The following GRIN3A variants were observed in gnomAD, a reference collection of about 807,000 sequenced individuals.
The protein encoded by GRIN3A is glutamate receptor ionotropic, NMDA 3A.
Under a neutral mutation model 92.4 loss-of-function variants are expected in GRIN3A, and 47 were observed. The ratio of observed to expected loss-of-function variants is 0.51; its 90% CI spans 0.40 to 0.65. The LOEUF (loss-of-function observed/expected upper bound fraction) is 0.65. Ranked by LOEUF, GRIN3A falls within the 30% of genes least tolerant of loss-of-function variation. The pLI is 0.00. For synonymous variants in GRIN3A, 527 were observed against 540.6 expected (o/e 0.97, Z 0.35); for missense variants, 1,324 against 1,393.1 (o/e 0.95, Z 0.79).
At position 101,622,488 on chromosome 9, in the gene GRIN3A, C is replaced by T. The variant is rs56775241; in HGVS notation, c.2614+830G>A. On this transcript the variant is annotated intron_variant, in intron 5 of 8. Coordinates refer to ENST00000361820, the MANE Select transcript of GRIN3A (RefSeq NM_133445.3). ...CGTCATTCAGAATGAAAGGAGCTAC[C>T]GACAAAGCAATCTTTCTTTGGTTCT... is the stretch of plus-strand genomic sequence containing the variant. Among the ~76,000 whole-genome samples, 1,408 of 152,206 alleles carry T rather than the reference C, an allele frequency of 9.3e-3. 27 individuals are homozygous for T. Among genetic ancestry groups the T allele is most frequent in the African/African-American group, 0.032 (1,345 of 41,510 alleles).
chr9:101,595,463 G>T (rs1434195073), intron 6 of GRIN3A, among the ~76,000 whole-genome samples: 1 of 152,028 alleles, frequency 6.6e-6, no homozygotes, highest in African/African-American at 2.4e-5. Context: ...TGCAACCAAG[G>T]ACACTGTATA....
intron 5 of GRIN3A, among the ~76,000 whole-genome samples, chr9:101,615,323 A>C (rs1404538887): frequency 6.6e-6 from 1 of 151,464 alleles, no homozygotes; most frequent in African/African-American, 2.4e-5. Context: ...ACTTAATGGA[A>C]ACAAATACCT....
chr9:101,733,709 A>G (rs957765831), intron 1 of GRIN3A, among the ~76,000 whole-genome samples: 1 of 152,220 alleles, frequency 6.6e-6, no homozygotes, highest in East Asian at 1.9e-4. Context: ...TTAGTCCTGT[A>G]CTGTCAGAGA....
At chr9:101,651,668 G>GTGTGT in intron 3 of GRIN3A, among the ~76,000 whole-genome samples, 1 of 150,340 alleles carries the variant, frequency 6.7e-6, no homozygotes, top group Non-Finnish European at 1.5e-5. Flanking sequence ...GTGTGTGTGT[G>GTGTGT]GTCATTCTTT....
At chr9:101,583,367 A>C (rs1356385793) in intron 6 of GRIN3A, among the ~76,000 whole-genome samples, 1 of 152,336 alleles carries the variant, frequency 6.6e-6, no homozygotes, top group East Asian at 1.9e-4. Context: ...AAATGTTTCA[A>C]TTGTGTCTGA....
chr9:101,667,508 G>A (rs1453744137), intron 3 of GRIN3A, among the ~76,000 whole-genome samples: 1 of 151,954 alleles, frequency 6.6e-6, no homozygotes, highest in Admixed American at 6.6e-5. Flanking sequence ...CTTCTAAGTT[G>A]CTTCTCCTTT....
intron 6 of GRIN3A, among the ~76,000 whole-genome samples, chr9:101,603,637 G>A (rs375447869): frequency 2.2e-4 from 33 of 152,148 alleles, no homozygotes; most frequent in African/African-American, 7.5e-4. Context: ...CCGAGCACAG[G>A]AAAAGTAAAG....
chr9:101,600,403 CCCTGTTCT>C (rs1828196297), intron 6 of GRIN3A, among the ~76,000 whole-genome samples: 1 of 152,098 alleles, frequency 6.6e-6, no homozygotes, highest in African/African-American at 2.4e-5. Flanking sequence ...TTCTTGTTGT[CCCTGTTCT>C]CCTGGAGCTT....
At chr9:101,685,079 G>A (rs1333499310) in intron 2 of GRIN3A, among the ~76,000 whole-genome samples, 1 of 152,048 alleles carries the variant, frequency 6.6e-6, no homozygotes, top group Non-Finnish European at 1.5e-5. Flanking sequence ...TTCAGATGAT[G>A]ATAGAACATC....
At chr9:101,574,533 C>G (rs1468165964) in intron 8 of GRIN3A, among the ~76,000 whole-genome samples, 4 of 152,140 alleles carry the variant, frequency 2.6e-5, no homozygotes, top group African/African-American at 9.7e-5. Context: ...TTCCTGGACT[C>G]TTACTTGCCA....
At chr9:101,661,265 G>C (rs1344965816) in intron 3 of GRIN3A, among the ~76,000 whole-genome samples, 1 of 151,736 alleles carries the variant, frequency 6.6e-6, no homozygotes, top group East Asian at 1.9e-4. Context: ...TCTTACTTGG[G>C]TTATTAAGTA....
At chr9:101,669,019 G>A (rs1829278641) in intron 3 of GRIN3A, among the ~76,000 whole-genome samples, 1 of 152,158 alleles carries the variant, frequency 6.6e-6, no homozygotes, top group Non-Finnish European at 1.5e-5. Flanking sequence ...TAATATGAAA[G>A]GCTCAGCTTA....
intron 6 of GRIN3A, among the ~76,000 whole-genome samples, chr9:101,604,334 G>A (rs989734241): frequency 2.0e-5 from 3 of 152,078 alleles, no homozygotes; most frequent in Non-Finnish European, 4.4e-5. Context: ...TGAAGATGAG[G>A]TCTTTCTCAG....
intron 3 of GRIN3A, among the ~76,000 whole-genome samples, chr9:101,650,361 A>G (rs947320583): frequency 1.3e-5 from 2 of 151,996 alleles, no homozygotes; most frequent in Non-Finnish European, 2.9e-5. Flanking sequence ...GAGTGTTAGC[A>G]AACATGTTCT....
At chr9:101,660,809 A>G (rs1235853635) in intron 3 of GRIN3A, among the ~76,000 whole-genome samples, 3 of 151,712 alleles carry the variant, frequency 2.0e-5, no homozygotes, top group African/African-American at 7.3e-5. Flanking sequence ...TAGTATAAGA[A>G]TGATTTTGAA....
chr9:101,624,752 G>A (rs1367618948), intron 4 of GRIN3A, among the ~76,000 whole-genome samples: 2 of 152,138 alleles, frequency 1.3e-5, no homozygotes, highest in Non-Finnish European at 2.9e-5. Flanking sequence ...TAATGGGATG[G>A]CTGGGTCAAA....
intron 3 of GRIN3A, among the ~76,000 whole-genome samples, chr9:101,632,764 G>C (rs1828732353): frequency 6.6e-6 from 1 of 152,120 alleles, no homozygotes; most frequent in South Asian, 2.1e-4. Context: ...GGCCAGGATG[G>C]TCTACCCTGT....
In GRIN3A at chr9:101,738,210, G is replaced by C. The variant is rs970221331; in HGVS notation, c.-231C>G. ...TCCGCCTGGCATCCTCTGCCCGCCC[G>C]GTCACTGCGCTGAGCAGGCAGGCGG... On this transcript the variant is annotated 5_prime_UTR_variant, in exon 1 of 9. Coordinates refer to ENST00000361820, the MANE Select transcript of GRIN3A (RefSeq NM_133445.3). 2 of 598,946 alleles carry C rather than the reference G, an allele frequency of 3.3e-6. No individual in the cohort carries two copies. Among genetic ancestry groups the C allele is most frequent in the South Asian group, 1.9e-5 (1 of 52,746 alleles). 37.1% of individuals were successfully genotyped at this position (598,946 alleles called of 1,614,324 possible). A position where few individuals can be genotyped will look rare whatever the true frequency, so the allele number is the denominator to read the frequency against.
intron 6 of GRIN3A, among the ~76,000 whole-genome samples, chr9:101,595,865 A>T (rs17189562): frequency 1.3e-5 from 2 of 152,098 alleles, no homozygotes; most frequent in Admixed American, 6.5e-5. Flanking sequence ...AATGTGCCCA[A>T]AGAAGCCTTT....
Sources: allele counts gnomAD v4.1 joint callset (sites outside exome capture counted in the v4.1 genomes callset), GRCh38; gene constraint gnomAD v4.1.1; transcripts MANE v1.5; gene names NCBI Gene and HGNC (gene_info 2026-07-23, HGNC 2026-07-21).